Variants in ZFHX3 observed in about 807,000 individuals in gnomAD.
ZFHX3 encodes the protein zinc finger homeobox protein 3.
In ZFHX3, 42 loss-of-function variants were observed where a neutral mutation model predicts 279.1. The ratio of observed to expected loss-of-function variants is 0.15; its 90% CI spans 0.12 to 0.19. The LOEUF (loss-of-function observed/expected upper bound fraction) is 0.19, where lower values mean the gene tolerates loss of function less well. Among genes scored for constraint, ZFHX3 ranks in the 10% least tolerant of loss-of-function variants. The pLI is 1.00. For missense variants in ZFHX3, 4,981 were observed against 4,754.0 expected (o/e 1.05, Z -1.40); for synonymous variants, 2,293 against 1,957.8 (o/e 1.17, Z -4.52).
chr16:73,752,888 C>T (rs1427827890), intron 1 of ZFHX3, among the ~76,000 whole-genome samples: 2 of 152,202 alleles, frequency 1.3e-5, no homozygotes, highest in Admixed American at 1.3e-4. Flanking sequence ...ATAACATTTG[C>T]AGGTACCTCC....
At chr16:73,835,583 G>T (rs1413199771) in intron 1 of ZFHX3, among the ~76,000 whole-genome samples, 1 of 142,424 alleles carries the variant, frequency 7.0e-6, no homozygotes, top group Non-Finnish European at 1.5e-5. Context: ...TGATTCTCCT[G>T]CCTCAGCCTC....
At chr16:73,186,231 C>T (rs1011416535) in intron 5 of ZFHX3, among the ~76,000 whole-genome samples, 1 of 152,082 alleles carries the variant, frequency 6.6e-6, no homozygotes, top group Non-Finnish European at 1.5e-5. Flanking sequence ...GCTTGAATCA[C>T]CCCGAAGCCA....
chr16:73,678,134 G>C (rs1367731335), intron 2 of ZFHX3, among the ~76,000 whole-genome samples: 1 of 152,124 alleles, frequency 6.6e-6, no homozygotes, highest in Non-Finnish European at 1.5e-5. Flanking sequence ...CATTACAGTA[G>C]TGATACAGGA....
rs117528710 is a variant in ZFHX3, at chr16:72,814,232, A to G, written c.3530-2194T>C. 6.9e-4 allele frequency among the ~76,000 whole-genome samples: 105 copies of G among 152,286 alleles called. No individual in the cohort carries two copies. In the East Asian group the frequency reaches 0.013, roughly 19 times the overall value. ...TTCCAGTAGAGGCAAACTAAGACAT[A>G]GATTCTATTCCATACACCCATCCCC... On this transcript the variant is annotated intron_variant, in intron 5 of 9. Transcript: ENST00000268489.
At chr16:72,822,795 GTTTT>G (rs11365314) in intron 5 of ZFHX3, among the ~76,000 whole-genome samples, 154 of 90,446 alleles carry the variant, frequency 1.7e-3, no homozygotes, top group Non-Finnish European at 2.9e-3. Flanking sequence ...TAGAAAGTGA[GTTTT>G]TTTTTTTTTT....
At position 73,710,295 on chromosome 16, in the gene ZFHX3, G is replaced by A. The variant is rs111862564; in HGVS notation, c.-1607-30055C>T. The stretch of plus-strand genomic sequence containing the variant: ...TTATACTTATTAAAGATCTGTAAAT[G>A]GTAACGATCATGTGGTCACTTTAAA... On this transcript the variant is annotated intron_variant, in intron 1 of 17. Transcript: ENST00000641206. 4.3e-3 allele frequency among the ~76,000 whole-genome samples: 659 copies of A among 152,296 alleles called. 4 individuals are homozygous for A. Among genetic ancestry groups the A allele is most frequent in the African/African-American group, 0.015 (610 of 41,546 alleles).
At chr16:73,099,278 A>T (rs1725169725) in intron 7 of ZFHX3, 1 of 152,256 alleles carries the variant, frequency 6.6e-6, no homozygotes, top group African/African-American at 2.4e-5. Flanking sequence ...GTTATAACAA[A>T]TGAAAAATGT....
chr16:73,184,572 A>T (rs1446494452), intron 5 of ZFHX3, among the ~76,000 whole-genome samples: 4 of 152,130 alleles, frequency 2.6e-5, no homozygotes, highest in African/African-American at 9.7e-5. Context: ...GGGCAGGTGG[A>T]GAGTCAAAAT....
chr16:72,849,860 C>CA lies in ZFHX3; in HGVS notation c.3449-20002dup, dbSNP rs542156633. On this transcript the variant is annotated intron_variant, in intron 4 of 9. Coordinates refer to ENST00000268489, the MANE Select transcript of ZFHX3 (RefSeq NM_006885.4). ...TCTCTGCCACTTGGAGTTCACCTAC[C>CA]AAAAAAAAAAAAAAAAAAAAAAAAA... Among the ~76,000 whole-genome samples the CA allele has an allele frequency of 1.9e-4, 11 of 56,552 alleles. 3 individuals are homozygous for CA. The highest frequency in any genetic ancestry group is 2.7e-4 in the Non-Finnish European group (9 of 33,678). The allele number at this position is 56,552 out of a possible 152,430, so 37.1% of individuals were successfully genotyped here.
chr16:73,648,860 C>T (rs2052645062), intron 2 of ZFHX3, among the ~76,000 whole-genome samples: 1 of 152,218 alleles, frequency 6.6e-6, no homozygotes, highest in Admixed American at 6.5e-5. Flanking sequence ...TTCAAAATCA[C>T]TTCCACCCTT....
chr16:73,451,562 G>A (rs754201070), intron 3 of ZFHX3, among the ~76,000 whole-genome samples: 12 of 152,078 alleles, frequency 7.9e-5, no homozygotes, highest in Non-Finnish European at 1.2e-4. Context: ...AGAAAGCATC[G>A]GTATTTTTGC....
intron 3 of ZFHX3, among the ~76,000 whole-genome samples, chr16:72,913,413 C>T (rs1201699322): frequency 1.3e-5 from 2 of 152,186 alleles, no homozygotes; most frequent in African/African-American, 4.8e-5. Context: ...CAGTAGAGGA[C>T]CCCTCAGTGT....
chr16:73,814,747 T>G (rs1327411421), intron 1 of ZFHX3, among the ~76,000 whole-genome samples: 2 of 152,092 alleles, frequency 1.3e-5, no homozygotes, highest in Non-Finnish European at 2.9e-5. Flanking sequence ...TTTATATTTT[T>G]AGTAAAGACA....
intron 3 of ZFHX3, among the ~76,000 whole-genome samples, chr16:73,396,810 C>T (rs1314314095): frequency 1.3e-5 from 2 of 152,160 alleles, no homozygotes; most frequent in African/African-American, 2.4e-5. Flanking sequence ...GGACACAGGG[C>T]CAAACCATAT....
At chr16:72,909,045 A>G (rs1175228522) in intron 3 of ZFHX3, among the ~76,000 whole-genome samples, 1 of 152,160 alleles carries the variant, frequency 6.6e-6, no homozygotes, top group African/African-American at 2.4e-5. Context: ...TTACCATGAA[A>G]CCAGGGCCAT....
chr16:73,863,356 G>GTGA (rs1026136963), intron 1 of ZFHX3, among the ~76,000 whole-genome samples: 1 of 152,140 alleles, frequency 6.6e-6, no homozygotes, highest in African/African-American at 2.4e-5. Context: ...CAGATGGAGG[G>GTGA]TGATCCAGAA....
intron 2 of ZFHX3, among the ~76,000 whole-genome samples, chr16:73,589,641 A>G (rs1345681578): frequency 2.1e-5 from 3 of 144,514 alleles, no homozygotes; most frequent in African/African-American, 5.0e-5. Flanking sequence ...GAGGCAGGAG[A>G]ATGGCATGAA....
chr16:73,617,779 T>TA (rs898585477), intron 2 of ZFHX3, among the ~76,000 whole-genome samples: 2 of 152,082 alleles, frequency 1.3e-5, no homozygotes, highest in Non-Finnish European at 2.9e-5. Context: ...TGTTTTTTTT[T>TA]AAAAAATCTC....
At chr16:73,086,834 T>G (rs1256934355) in intron 8 of ZFHX3, among the ~76,000 whole-genome samples, 2 of 151,984 alleles carry the variant, frequency 1.3e-5, no homozygotes, top group East Asian at 3.9e-4. Flanking sequence ...GTCCAGGAGG[T>G]TGAGGCTGCA....
Sources: allele counts gnomAD v4.1 joint callset (sites outside exome capture counted in the v4.1 genomes callset), GRCh38; gene constraint gnomAD v4.1.1; transcripts MANE v1.5; gene names NCBI Gene and HGNC (gene_info 2026-07-23, HGNC 2026-07-21).